The following SLC2A12 variants were observed in gnomAD, a reference collection of about 807,000 sequenced individuals.
SLC2A12 encodes solute carrier family 2, facilitated glucose transporter member 12.
In SLC2A12, 23 loss-of-function variants were observed where a neutral mutation model predicts 41.8. That is an observed-to-expected ratio of 0.55 (90% CI 0.40 to 0.78). SLC2A12 has a LOEUF of 0.78. SLC2A12 is among the 30% of genes least tolerant of loss of function. The pLI is 0.00. For missense variants in SLC2A12, 654 were observed against 745.6 expected (o/e 0.88, Z 1.43); for synonymous variants, 295 against 285.9 (o/e 1.03, Z -0.32).
intron 3 of SLC2A12, among the ~76,000 whole-genome samples, chr6:134,003,872 T>C (rs1362615359): frequency 6.6e-6 from 1 of 152,194 alleles, no homozygotes; most frequent in Non-Finnish European, 1.5e-5. Flanking sequence ...ACAGCTGAAA[T>C]TGCATAAAAA....
chr6:134,030,328 G>A (rs73550586), intron 1 of SLC2A12, among the ~76,000 whole-genome samples: 1,959 of 152,244 alleles, frequency 0.013, 38 homozygotes, highest in African/African-American at 0.044. Context: ...TGGGCAGTGT[G>A]TGAATGCCTT....
chr6:134,030,354 T>C (rs775896704), intron 1 of SLC2A12, among the ~76,000 whole-genome samples: 2 of 152,106 alleles, frequency 1.3e-5, no homozygotes, highest in Non-Finnish European at 2.9e-5. Context: ...AGTCAAGGTT[T>C]TGCTAAACAG....
In SLC2A12 at chr6:134,032,461, T is replaced by A. The variant is rs1221918686; in HGVS notation, c.104-2740A>T. Reference sequence around the variant, plus strand: ...ATATATATATATAAATATATATATATATATTTTTATATATATATATATATA... The same window carrying A: ...ATATATATATATAAATATATATATAAATATTTTTATATATATATATATATA... On this transcript the variant is annotated intron_variant, in intron 1 of 4. Transcript: ENST00000275230. Among the ~76,000 whole-genome samples the A allele has an allele frequency of 1.0e-3, 38 of 37,602 alleles. 1 individual carries two copies. Among genetic ancestry groups the A allele is most frequent in the African/African-American group, 4.0e-3 (35 of 8,682 alleles). 24.7% of individuals were successfully genotyped at this position (37,602 alleles called of 152,430 possible).
chr6:133,997,040 G>A (rs1776703630), intron 4 of SLC2A12, among the ~76,000 whole-genome samples: 1 of 128,184 alleles, frequency 7.8e-6, no homozygotes, highest in South Asian at 2.5e-4. Flanking sequence ...AGGAGATCGA[G>A]ACAATCCTGG....
Position 134,005,659 on chromosome 6 carries a change from TAAAAAAAA to T in SLC2A12, c.1567+1145_1567+1152del, listed in dbSNP as rs56710009. 9.7e-3 allele frequency among the ~76,000 whole-genome samples: 628 copies of T among 64,928 alleles called. 6 individuals carry two copies. Among genetic ancestry groups the T allele is most frequent in the African/African-American group, 0.039 (574 of 14,780 alleles). 42.6% of individuals were successfully genotyped at this position (64,928 alleles called of 152,430 possible). A position where few individuals can be genotyped will look rare whatever the true frequency, so the allele number is the denominator to read the frequency against. ...TGGGCAAGAGAGTGAGACTCTGTCTTAAAAAAAAAAAAAAAAAAAAAAAAAAAAAAAAA... is the reference window on the plus strand; with the variant it reads ...TGGGCAAGAGAGTGAGACTCTGTCTTAAAAAAAAAAAAAAAAAAAAAAAAA... On this transcript the variant is annotated intron_variant, in intron 3 of 4. Transcript: ENST00000275230.
At chr6:134,010,111 C>A (rs1217714788) in intron 2 of SLC2A12, among the ~76,000 whole-genome samples, 2 of 152,158 alleles carry the variant, frequency 1.3e-5, no homozygotes, top group African/African-American at 4.8e-5. Flanking sequence ...TAAGTAAGGA[C>A]TGAAACTCTT....
chr6:134,034,396 G>A (rs139933618), intron 1 of SLC2A12, among the ~76,000 whole-genome samples: 46 of 152,298 alleles, frequency 3.0e-4, no homozygotes, highest in African/African-American at 9.6e-4. Context: ...TAGGACTGCT[G>A]TTTGATCCTC....
chr6:134,028,973 T>G lies in SLC2A12; in HGVS notation c.852A>C (p.Thr284=), dbSNP rs771163894. ...NMRTRIMIGL[T]LVFFVQITGQ... ...CAGTGATTTGTACAAAAAATACTAG[T>G]GTTAGTCCTATCATTATTCGGGTCC... The change falls in exon 2 of 5, where the codon ACA becomes ACC. Residue 284 remains threonine, a synonymous_variant. Transcript: ENST00000275230. 1 of 1,614,092 alleles carries G rather than the reference T, an allele frequency of 6.2e-7. No individual in the cohort carries two copies. Among genetic ancestry groups the G allele is most frequent in the Admixed American group, 1.7e-5 (1 of 60,004 alleles).
chr6:133,997,779 C>T (rs896712695), intron 4 of SLC2A12, among the ~76,000 whole-genome samples: 4 of 152,128 alleles, frequency 2.6e-5, no homozygotes, highest in African/African-American at 4.8e-5. Flanking sequence ...CAAACCTGCA[C>T]ATGTAGCCTC....
At chr6:134,008,745 G>T (rs924682689) in intron 2 of SLC2A12, among the ~76,000 whole-genome samples, 3 of 152,128 alleles carry the variant, frequency 2.0e-5, no homozygotes, top group African/African-American at 7.2e-5. Context: ...ATATAAATCC[G>T]ATTTTGAAGC....
rs1777152580 is a variant in SLC2A12, at chr6:134,028,806, T to C, written c.1019A>G (p.His340Arg). Residue 340 changes from histidine to arginine, a missense_variant, in exon 2 of 5, where the codon CAT (histidine) becomes CGT (arginine). His to Arg is a conservative substitution (Grantham distance 29, BLOSUM62 0). Coordinates refer to ENST00000275230, the MANE Select transcript of SLC2A12 (RefSeq NM_145176.3). ...GCAGAGGAATGTTTTGCTGCCGACATGGTCTACAAGAAGAGTGGCAGGGAT... is the reference window on the plus strand; with the variant it reads ...GCAGAGGAATGTTTTGCTGCCGACACGGTCTACAAGAAGAGTGGCAGGGAT... ...STIPATLLVDHVGSKTFLCIG... is the reference protein window; with the variant it reads ...STIPATLLVDRVGSKTFLCIG... 6.2e-7 allele frequency: 1 copy of C among 1,614,204 alleles called. No individual in the cohort carries two copies. Among genetic ancestry groups the C allele is most frequent in the African/African-American group, 1.3e-5 (1 of 75,054 alleles).
At chr6:134,002,180 TC>T (rs1385757810) in intron 3 of SLC2A12, 51 bp from the exon 4 acceptor site, 1 of 1,572,108 alleles carries the variant, frequency 6.4e-7, no homozygotes, top group African/African-American at 1.4e-5. Flanking sequence ...GTAGCTTTGA[TC>T]CCATTTGTGA....
intron 2 of SLC2A12, among the ~76,000 whole-genome samples, chr6:134,020,772 A>G (rs897942072): frequency 6.6e-6 from 1 of 152,154 alleles, no homozygotes; most frequent in African/African-American, 2.4e-5. Context: ...CAGTCCTTGC[A>G]CCTGCAGTTG....
At chr6:134,048,643 T>C (rs1159596564) in intron 1 of SLC2A12, among the ~76,000 whole-genome samples, 2 of 152,180 alleles carry the variant, frequency 1.3e-5, no homozygotes, top group African/African-American at 4.8e-5. Flanking sequence ...ACACAATCAT[T>C]GTTATCAGAT....
At chr6:134,027,289 C>A (rs1328142699) in intron 2 of SLC2A12, among the ~76,000 whole-genome samples, 5 of 152,188 alleles carry the variant, frequency 3.3e-5, no homozygotes, top group Non-Finnish European at 4.4e-5. Context: ...TTTCCAGAAA[C>A]CCTGTCCAGT....
At chr6:133,997,085 CAA>C (rs58295985) in intron 4 of SLC2A12, among the ~76,000 whole-genome samples, 13,659 of 70,198 alleles carry the variant, frequency 0.19, 549 homozygotes, top group South Asian at 0.31. Flanking sequence ...ACTAAAAATA[CAA>C]AAAAAAAAAA....
At chr6:134,027,069 G>A (rs1777123524) in intron 2 of SLC2A12, among the ~76,000 whole-genome samples, 1 of 152,206 alleles carries the variant, frequency 6.6e-6, no homozygotes, top group African/African-American at 2.4e-5. Flanking sequence ...TTGCTGACCA[G>A]AAGGAGGCAG....
chr6:134,005,692 A>AAG (rs1776804839), intron 3 of SLC2A12, among the ~76,000 whole-genome samples: 7 of 130,386 alleles, frequency 5.4e-5, no homozygotes, highest in Non-Finnish European at 9.8e-5. Context: ...AAAAAAAAAA[A>AAG]AGAATCTCCC....
chr6:134,024,044 C>A (rs139226458), intron 2 of SLC2A12, among the ~76,000 whole-genome samples: 15 of 152,362 alleles, frequency 9.8e-5, no homozygotes, highest in Non-Finnish European at 2.1e-4. Flanking sequence ...GCCCTAGCCA[C>A]CACCGCAGCT....
Sources: gnomAD v4.1 joint callset for allele counts (sites outside exome capture counted in the v4.1 genomes callset) on GRCh38, gnomAD v4.1.1 for gene constraint, MANE v1.5 for transcripts, NCBI Gene and HGNC (gene_info 2026-07-23, HGNC 2026-07-21) for gene names.